The following CMTM2 variants were observed in gnomAD, a reference collection of about 807,000 sequenced individuals.
CMTM2 encodes the protein CKLF-like MARVEL transmembrane domain-containing protein 2.
In CMTM2, 15 loss-of-function variants were observed where a neutral mutation model predicts 16.8. The observed-to-expected ratio is 0.89, with a 90% CI of 0.60 to 1.37. CMTM2 has a LOEUF of 1.37. Among genes scored for constraint, CMTM2 ranks in the 40% most tolerant of loss-of-function variants. The pLI is 0.00. For missense variants in CMTM2, 282 were observed against 318.0 expected (o/e 0.89, Z 0.86); for synonymous variants, 117 against 118.7 (o/e 0.99, Z 0.09).
chr16:66,585,382 A>G (rs1400515673), intron 2 of CMTM2, among the ~76,000 whole-genome samples: 2 of 152,240 alleles, frequency 1.3e-5, no homozygotes, highest in Non-Finnish European at 2.9e-5. Flanking sequence ...CATTTCGTTC[A>G]TTCATATAGT....
intron 2 of CMTM2, among the ~76,000 whole-genome samples, chr16:66,582,043 T>TA (rs953276005): frequency 1.3e-5 from 2 of 152,206 alleles, no homozygotes; most frequent in African/African-American, 4.8e-5. Flanking sequence ...CACCTGATTT[T>TA]AAAAAATCCC....
At chr16:66,583,631 T>C (rs1307692606) in intron 2 of CMTM2, among the ~76,000 whole-genome samples, 4 of 152,002 alleles carry the variant, frequency 2.6e-5, no homozygotes, top group Admixed American at 6.5e-5. Flanking sequence ...CAAAGGAAAA[T>C]GTAAATAGAG....
chr16:66,581,287 C>T (rs1193496173), intron 2 of CMTM2, among the ~76,000 whole-genome samples: 1 of 151,808 alleles, frequency 6.6e-6, no homozygotes, highest in African/African-American at 2.4e-5. Flanking sequence ...GGACAAGTTC[C>T]TAAACAAGGA....
chr16:66,582,133 A>G (rs1347755392), intron 2 of CMTM2, among the ~76,000 whole-genome samples: 2 of 152,238 alleles, frequency 1.3e-5, no homozygotes, highest in Non-Finnish European at 2.9e-5. Flanking sequence ...TCTGAAAATA[A>G]TAATATATTT....
chr16:66,587,944 T>C lies in CMTM2; in HGVS notation c.572T>C (p.Phe191Ser). Residue 191 changes from phenylalanine (F) to serine (S), a missense_variant, in exon 4 of 4, where the codon TTT becomes TCT. Phe to Ser is a radical substitution (Grantham distance 155, BLOSUM62 -2). Transcript: ENST00000268595. ...ATCCTTATTGGTGCGGCTGGAGTTT[T>C]TGCTTTTATCGATGTGTGTCTTCAA... Reference protein sequence around the residue: ...AVILIGAAGVFAFIDVCLQRN... With the variant: ...AVILIGAAGVSAFIDVCLQRN... 6.2e-7 allele frequency: 1 copy of C among 1,614,202 alleles called. No homozygotes were observed. Among genetic ancestry groups the C allele is most frequent in the Non-Finnish European group, 8.5e-7 (1 of 1,180,024 alleles).
At position 66,585,024 on chromosome 16, in the gene CMTM2, G is replaced by A. The variant is rs528091389; in HGVS notation, c.445-1973G>A. Among the ~76,000 whole-genome samples, 53 of 148,538 alleles carry A rather than the reference G, an allele frequency of 3.6e-4. No homozygotes were observed. In the East Asian group the frequency reaches 9.4e-3, roughly 26 times the overall value. On this transcript the variant is annotated intron_variant, in intron 2 of 3. Transcript: ENST00000268595. Reference sequence around the variant, plus strand: ...TGCAATGGCGCAATCTCGGCTCACCGCAACCTCTGCCTCCCGGGTTCAAGT... The same window carrying A: ...TGCAATGGCGCAATCTCGGCTCACCACAACCTCTGCCTCCCGGGTTCAAGT...
intron 2 of CMTM2, 168 bp downstream of exon 2, chr16:66,580,352 G>T (rs566745897): frequency 1.5e-6 from 1 of 668,796 alleles, no homozygotes; most frequent in Non-Finnish European, 2.5e-6. Flanking sequence ...GGGTGCAAGA[G>T]GGGTAGCTAG....
intron 2 of CMTM2, 138 bp downstream of exon 2, chr16:66,580,322 G>C (rs1027201942): frequency 9.8e-6 from 9 of 922,120 alleles, no homozygotes; most frequent in Admixed American, 4.8e-5. Flanking sequence ...AACATCAGTG[G>C]GGCCCAGGCA....
chr16:66,586,847 C>A, intron 2 of CMTM2, 150 bp from the exon 3 acceptor site: 1 of 632,142 alleles, frequency 1.6e-6, no homozygotes, highest in Non-Finnish European at 2.9e-6. Context: ...ATATGTCCAC[C>A]TAGCCCGGTG....
intron 2 of CMTM2, 58 bp downstream of exon 2, chr16:66,580,242 G>A: frequency 6.3e-7 from 1 of 1,579,488 alleles, no homozygotes; most frequent in Non-Finnish European, 8.7e-7. Context: ...GTGTGTCTTG[G>A]CACCTGGAAA....
rs1415617667 is a variant in CMTM2 at position 66,579,912 on chromosome 16, C to T, written c.285+20C>T. The T allele has an allele frequency of 2.0e-6, 2 of 994,714 alleles. No individual in the cohort carries two copies. The highest frequency in any genetic ancestry group is 1.5e-6 in the Non-Finnish European group (1 of 661,862). 61.6% of individuals were successfully genotyped at this position (994,714 alleles called of 1,614,324 possible). The stretch of plus-strand genomic sequence containing the variant: ...AGTTTGGTGAGCTAAACTGGTATCC[C>T]TGGGTGGGGGGCCTTGGCCGAGGGT... On this transcript the variant is annotated intron_variant, in intron 1 of 3. Coordinates refer to ENST00000268595, the MANE Select transcript of CMTM2 (RefSeq NM_144673.3). The surrounding 1 kb of genome is among the most constrained non-coding windows in gnomAD (Gnocchi z 6.5).
Position 66,586,995 on chromosome 16 carries a change from A to T in CMTM2, c.445-2A>T, listed in dbSNP as rs112815969. 3.7e-6 allele frequency: 6 copies of T among 1,613,306 alleles called. No homozygotes were observed. Among genetic ancestry groups the T allele is most frequent in the Non-Finnish European group, 5.1e-6 (6 of 1,179,266 alleles). ...GAGGCTGACTAACCTCTCCACCTTCAGGACCTCTTCAACGACCTGATTGCT... is the reference window on the plus strand; with the variant it reads ...GAGGCTGACTAACCTCTCCACCTTCTGGACCTCTTCAACGACCTGATTGCT... On this transcript the variant is annotated splice_acceptor_variant, in intron 2 of 3. Coordinates refer to ENST00000268595, the MANE Select transcript of CMTM2 (RefSeq NM_144673.3). LOFTEE classifies it high-confidence loss of function.
At chr16:66,580,303 G>A (rs1298557964) in intron 2 of CMTM2, 119 bp downstream of exon 2, 1 of 1,142,322 alleles carries the variant, frequency 8.8e-7, no homozygotes, top group African/African-American at 1.5e-5. Flanking sequence ...GCCTGGGTCA[G>A]GGACTCAGAA....
intron 2 of CMTM2, 66 bp downstream of exon 2, chr16:66,580,250 A>C: frequency 6.5e-7 from 1 of 1,539,534 alleles, no homozygotes; most frequent in Non-Finnish European, 8.9e-7. Context: ...TGGCACCTGG[A>C]AAGTCACCAA....
In CMTM2 at chr16:66,579,712, G is replaced by T; in HGVS notation, c.105G>T (p.Ser35=). The T allele has an allele frequency of 6.2e-7, 1 of 1,613,500 alleles. No individual in the cohort carries two copies. Among genetic ancestry groups the T allele is most frequent in the Non-Finnish European group, 8.5e-7 (1 of 1,179,656 alleles). Reference sequence around the variant, plus strand: ...ACAAGAAGGACGGTAAGGAGCCATCGGACAAACCTCAAAAGGCGGTGCAGG... The same window carrying T: ...ACAAGAAGGACGGTAAGGAGCCATCTGACAAACCTCAAAAGGCGGTGCAGG... The part of the protein sequence containing the change: ...EEDKKDGKEP[S]DKPQKAVQDH... Residue 35 remains serine, a synonymous_variant, in exon 1 of 4, where the codon TCG becomes TCT. Transcript: ENST00000268595. The surrounding 1 kb of genome is among the most constrained non-coding windows in gnomAD (Gnocchi z 6.5).
chr16:66,579,498 C>T lies in CMTM2; in HGVS notation c.-110C>T. On this transcript the variant is annotated 5_prime_UTR_variant, in exon 1 of 4. Transcript: ENST00000268595. This position sits in a 1 kb window ranked among gnomAD's most constrained non-coding sequence, Gnocchi z 6.5. ...CCTGGCAGTTAGCTGAGCACGCCCT[C>T]TGAGCCGCTCGGTGGACACCAGGCA... is the stretch of plus-strand genomic sequence containing the variant. The T allele has an allele frequency of 7.1e-7, 1 of 1,408,606 alleles. No homozygotes were observed. Among genetic ancestry groups the T allele is most frequent in the Middle Eastern group, 2.5e-4 (1 of 3,948 alleles). The allele number at this position is 1,408,606 out of a possible 1,614,324, so 87.3% of individuals were successfully genotyped here. A position where few individuals can be genotyped will look rare whatever the true frequency, so the allele number is the denominator to read the frequency against.
chr16:66,580,114 T>C lies in CMTM2; in HGVS notation c.374T>C (p.Phe125Ser), dbSNP rs376462155. Residue 125 changes from phenylalanine (F) to serine (S), a missense_variant, in exon 2 of 4, where the codon TTC becomes TCC. Coordinates refer to ENST00000268595, the MANE Select transcript of CMTM2 (RefSeq NM_144673.3). ...ATCATCACCATGGAGATATCCTTCT[T>C]CAGCTTCTTCATCTTACTGTACAGC... ...RLIITMEISF[F>S]SFFILLYSFA... 98 of 1,614,092 alleles carry C rather than the reference T, an allele frequency of 6.1e-5. No individual in the cohort carries two copies. Among genetic ancestry groups the C allele is most frequent in the Non-Finnish European group, 8.2e-5 (97 of 1,180,040 alleles).
intron 2 of CMTM2, among the ~76,000 whole-genome samples, chr16:66,581,415 T>G (rs1436928061): frequency 2.0e-5 from 3 of 152,110 alleles, no homozygotes; most frequent in Non-Finnish European, 4.4e-5. Flanking sequence ...TTTAACTGAA[T>G]GAATGAGCTG....
Position 66,579,522 on chromosome 16 carries a change from C to A in CMTM2, c.-86C>A. The A allele has an allele frequency of 1.3e-6, 2 of 1,528,756 alleles. No individual in the cohort carries two copies. The highest frequency in any genetic ancestry group is 1.4e-5 in the African/African-American group (1 of 72,770). 94.7% of individuals were successfully genotyped at this position (1,528,756 alleles called of 1,614,324 possible). ...TCTGAGCCGCTCGGTGGACACCAGG[C>A]ACTCTAGTAGGCCTGGCCTACCCAG... On this transcript the variant is annotated 5_prime_UTR_variant, in exon 1 of 4. Coordinates refer to ENST00000268595, the MANE Select transcript of CMTM2 (RefSeq NM_144673.3). The surrounding 1 kb of genome is among the most constrained non-coding windows in gnomAD (Gnocchi z 6.5).
Sources: allele counts gnomAD v4.1 joint callset (sites outside exome capture counted in the v4.1 genomes callset), GRCh38; gene constraint gnomAD v4.1.1; non-coding constraint Gnocchi (gnomAD v3.1); transcripts MANE v1.5; gene names NCBI Gene and HGNC (gene_info 2026-07-23, HGNC 2026-07-21).